Variants in ADARB2 observed in about 807,000 individuals in gnomAD.
The protein encoded by ADARB2 is inactive double-stranded RNA-specific editase B2.
In ADARB2, 25 loss-of-function variants were observed where a neutral mutation model predicts 62.2. That is an observed-to-expected ratio of 0.40 (90% CI 0.29 to 0.56). The LOEUF (loss-of-function observed/expected upper bound fraction) is 0.56, where lower values mean the gene tolerates loss of function less well. ADARB2 is among the 20% of genes least tolerant of loss of function. ADARB2 has a pLI of 0.43. For synonymous variants in ADARB2, 572 were observed against 500.8 expected, an observed-to-expected ratio of 1.14 and a Z score of -1.90; for missense variants, 1,071 against 1,077.4, an observed-to-expected ratio of 0.99 and a Z score of 0.08.
At chr10:1,205,989 G>T (rs368638911) in intron 7 of ADARB2, among the ~76,000 whole-genome samples, 1 of 151,686 alleles carries the variant, frequency 6.6e-6, no homozygotes, top group Non-Finnish European at 1.5e-5. Flanking sequence ...GTGTCACGGG[G>T]CAGCCCGCTG....
At chr10:1,277,175 C>T (rs1831325563) in intron 3 of ADARB2, among the ~76,000 whole-genome samples, 1 of 152,016 alleles carries the variant, frequency 6.6e-6, no homozygotes, top group Non-Finnish European at 1.5e-5. Context: ...AAATTGACAC[C>T]CTAACATCAC....
intron 1 of ADARB2, among the ~76,000 whole-genome samples, chr10:1,489,116 T>C (rs1364501108): frequency 1.3e-5 from 2 of 152,256 alleles, no homozygotes; most frequent in African/African-American, 4.8e-5. Context: ...TGCAGCCAAA[T>C]GTCTCTCAAT....
chr10:1,262,072 C>T (rs970882870), intron 4 of ADARB2, among the ~76,000 whole-genome samples: 1 of 140,454 alleles, frequency 7.1e-6, no homozygotes, highest in Non-Finnish European at 1.5e-5. Context: ...TATTCTCACT[C>T]ATAGGTGGGA....
rs144528775 is a variant in ADARB2, at chr10:1,299,152, C to T, written c.1078-28083G>A. On this transcript the variant is annotated intron_variant, in intron 3 of 9. Coordinates refer to ENST00000381312, the MANE Select transcript of ADARB2 (RefSeq NM_018702.4). Reference sequence around the variant, plus strand: ...ATGTCTTGTGTGTTAAGAAGGAAAGCGTAAGTGACTAGGAGACCAGATCAC... The same window carrying T: ...ATGTCTTGTGTGTTAAGAAGGAAAGTGTAAGTGACTAGGAGACCAGATCAC... Among the ~76,000 whole-genome samples, 815 of 152,040 alleles carry T rather than the reference C, an allele frequency of 5.4e-3. 12 individuals carry two copies. Among genetic ancestry groups the T allele is most frequent in the African/African-American group, 0.018 (748 of 41,444 alleles).
At chr10:1,695,245 C>A (rs1334407796) in intron 1 of ADARB2, among the ~76,000 whole-genome samples, 1 of 152,146 alleles carries the variant, frequency 6.6e-6, no homozygotes, top group Non-Finnish European at 1.5e-5. Flanking sequence ...TTCTTCCTGG[C>A]AAGAATGGGC....
intron 1 of ADARB2, among the ~76,000 whole-genome samples, chr10:1,634,105 C>T (rs2119048508): frequency 6.6e-6 from 1 of 152,268 alleles, no homozygotes; most frequent in Admixed American, 6.5e-5. Flanking sequence ...CACCTGCCCT[C>T]TGCGCCTGTC....
chr10:1,526,435 T>G (rs1832143086), intron 1 of ADARB2, among the ~76,000 whole-genome samples: 1 of 150,274 alleles, frequency 6.7e-6, no homozygotes, highest in African/African-American at 2.5e-5. Flanking sequence ...TGGGGCCTGG[T>G]GGGGGATGCT....
At chr10:1,676,285 C>T (rs768467625) in intron 1 of ADARB2, among the ~76,000 whole-genome samples, 1 of 152,126 alleles carries the variant, frequency 6.6e-6, no homozygotes, top group Non-Finnish European at 1.5e-5. Context: ...AGCTCACAGA[C>T]CCAAGGGCCT....
intron 1 of ADARB2, among the ~76,000 whole-genome samples, chr10:1,644,540 C>G (rs960758250): frequency 4.6e-5 from 7 of 152,254 alleles, no homozygotes; most frequent in Admixed American, 2.0e-4. Context: ...GGTGGTGACA[C>G]AGGTTATCAT....
At chr10:1,242,465 C>T (rs1034260981) in intron 4 of ADARB2, among the ~76,000 whole-genome samples, 166 bp from the exon 5 acceptor site, 13 of 152,220 alleles carry the variant, frequency 8.5e-5, no homozygotes, top group African/African-American at 2.2e-4. Context: ...CAGGCTGTCA[C>T]GGGTGACCGC....
rs547902656 is a variant in ADARB2, at chr10:1,580,431, T to C, written c.100+156620A>G. Among the ~76,000 whole-genome samples the C allele has an allele frequency of 4.6e-5, 7 of 152,288 alleles. No homozygotes were observed. The East Asian group carries it at 1.4e-3, about 29-fold the overall frequency. ...TGCCATATTTCTAAAATTGTGTATA[T>C]ATGTTGGTCTGGCATTGTAACTTAT... On this transcript the variant is annotated intron_variant, in intron 1 of 9. Coordinates refer to ENST00000381312, the MANE Select transcript of ADARB2 (RefSeq NM_018702.4).
intron 1 of ADARB2, among the ~76,000 whole-genome samples, chr10:1,514,168 G>T (rs1372395968): frequency 1.7e-4 from 5 of 29,414 alleles, no homozygotes; most frequent in East Asian, 1.5e-3. Context: ...AGTGTGAGAC[G>T]CTGTCTCAAA....
At chr10:1,580,122 C>T (rs59129485) in intron 1 of ADARB2, among the ~76,000 whole-genome samples, 4,127 of 152,286 alleles carry the variant, frequency 0.027, 182 homozygotes, top group African/African-American at 0.094. Context: ...TTTAAAAAAC[C>T]TTTATCATGG....
chr10:1,494,205 C>T (rs1348564142), intron 1 of ADARB2, among the ~76,000 whole-genome samples: 1 of 152,136 alleles, frequency 6.6e-6, no homozygotes, highest in Non-Finnish European at 1.5e-5. Context: ...AGTATATTTT[C>T]CTCCATTTTT....
chr10:1,208,704 T>TG (rs1183462712), intron 7 of ADARB2, among the ~76,000 whole-genome samples: 2 of 152,210 alleles, frequency 1.3e-5, no homozygotes, highest in East Asian at 3.8e-4. Context: ...CATGGGCTCT[T>TG]AAGTGGTCAT....
At chr10:1,293,312 G>A (rs1393982223) in intron 3 of ADARB2, among the ~76,000 whole-genome samples, 4 of 123,110 alleles carry the variant, frequency 3.2e-5, no homozygotes, top group Admixed American at 1.6e-4. Flanking sequence ...GAAGAGAGAG[G>A]GGAGGGAGGT....
chr10:1,652,680 A>G (rs1834125893), intron 1 of ADARB2, among the ~76,000 whole-genome samples: 1 of 152,166 alleles, frequency 6.6e-6, no homozygotes, highest in African/African-American at 2.4e-5. Context: ...TTCAGTCCTC[A>G]TGAAAACAAG....
chr10:1,451,935 T>C (rs909222926), intron 1 of ADARB2, among the ~76,000 whole-genome samples: 3 of 152,154 alleles, frequency 2.0e-5, no homozygotes, highest in Non-Finnish European at 4.4e-5. Context: ...GAGAAGGGAA[T>C]GAGTGGATAT....
chr10:1,287,942 A>C (rs1831428274), intron 3 of ADARB2, among the ~76,000 whole-genome samples: 1 of 152,240 alleles, frequency 6.6e-6, no homozygotes, highest in Non-Finnish European at 1.5e-5. Flanking sequence ...TGTCCTCGTC[A>C]GACTGGATGC....
Sources: gnomAD v4.1 joint callset for allele counts (sites outside exome capture counted in the v4.1 genomes callset) on GRCh38, gnomAD v4.1.1 for gene constraint, MANE v1.5 for transcripts, NCBI Gene and HGNC (gene_info 2026-07-23, HGNC 2026-07-21) for gene names.